The following GSE1 variants were observed in gnomAD, a reference collection of about 807,000 sequenced individuals.
The protein encoded by GSE1 is genetic suppressor element 1.
In GSE1, 32 loss-of-function variants were observed where a neutral mutation model predicts 112.6. The observed-to-expected ratio is 0.28, with a 90% CI of 0.21 to 0.38. The LOEUF is 0.38. Ranked by LOEUF, GSE1 falls within the 10% of genes least tolerant of loss-of-function variation. The probability of loss-of-function intolerance (pLI) is 1.00; values close to 1 mark genes in which losing one functional copy is unlikely to be tolerated. For synonymous variants in GSE1, 1,115 were observed against 735.6 expected (o/e 1.52, Z -8.35); for missense variants, 2,348 against 1,699.2 (o/e 1.38, Z -6.71).
chr16:85,176,307 C>G (rs565451206), intron 1 of GSE1, among the ~76,000 whole-genome samples: 141 of 152,328 alleles, frequency 9.3e-4, no homozygotes, highest in African/African-American at 3.3e-3. Context: ...GGCAGTGGCT[C>G]TTAATTTCCT....
intron 2 of GSE1, among the ~76,000 whole-genome samples, chr16:85,383,497 G>GCA (rs11473067): frequency 0.017 from 2,570 of 147,854 alleles, 95 homozygotes; most frequent in African/African-American, 0.06. Flanking sequence ...AGAGCTCCCA[G>GCA]CACACACACA....
intron 1 of GSE1, among the ~76,000 whole-genome samples, chr16:85,622,117 A>T (rs964839058): frequency 1.3e-5 from 2 of 152,174 alleles, no homozygotes; most frequent in African/African-American, 4.8e-5. Flanking sequence ...AGTTGACAGG[A>T]TGATTGTGGC....
At chr16:85,587,479 G>A (rs938286685) in intron 1 of GSE1, among the ~76,000 whole-genome samples, 1 of 152,196 alleles carries the variant, frequency 6.6e-6, no homozygotes, top group Non-Finnish European at 1.5e-5. Flanking sequence ...AGGCTTCAGA[G>A]GGGGAGGGGG....
chr16:85,657,781 C>CTG (rs1280264982), intron 8 of GSE1, among the ~76,000 whole-genome samples, 177 bp downstream of exon 8: 15 of 152,288 alleles, frequency 9.8e-5, no homozygotes, highest in African/African-American at 3.6e-4. Context: ...GAAGCTGAGA[C>CTG]TGAGGAAGAA....
At chr16:85,250,055 G>T (rs571609505) in intron 1 of GSE1, among the ~76,000 whole-genome samples, 1 of 152,348 alleles carries the variant, frequency 6.6e-6, no homozygotes, top group East Asian at 1.9e-4. Flanking sequence ...CATCCGCCTG[G>T]CTCCTGCTGC....
At chr16:85,554,590 G>A (rs575506452), upstream of GSE1, among the ~76,000 whole-genome samples, 78 of 152,254 alleles carry the variant, frequency 5.1e-4, no homozygotes, top group African/African-American at 1.8e-3. Context: ...AGGGGTGAGA[G>A]GAAAAGAAAG....
chr16:85,365,459 G>C (rs2047167224), intron 2 of GSE1, among the ~76,000 whole-genome samples: 1 of 152,222 alleles, frequency 6.6e-6, no homozygotes, highest in African/African-American at 2.4e-5. Flanking sequence ...CTGGGAACAC[G>C]AAAGAAGGAA....
chr16:85,448,825 C>T (rs894231988), intron 2 of GSE1, among the ~76,000 whole-genome samples: 1 of 152,218 alleles, frequency 6.6e-6, no homozygotes, highest in African/African-American at 2.4e-5. Context: ...TGAGCCCTTC[C>T]CGAGCCGAGC....
At position 85,259,780 on chromosome 16, in the gene GSE1, C is replaced by T. The variant is rs181349218; in HGVS notation, c.2283+87973C>T. On this transcript the variant is annotated intron_variant, in intron 1 of 2. Transcript: ENST00000637419. Reference sequence around the variant, plus strand: ...CCTGCACTGTACTGGGACCCCCCACCCCTGCACGACATCCTGCAGTGATGG... The same window carrying T: ...CCTGCACTGTACTGGGACCCCCCACTCCTGCACGACATCCTGCAGTGATGG... Among the ~76,000 whole-genome samples the T allele has an allele frequency of 3.0e-3, 461 of 152,342 alleles. 4 individuals are homozygous for T. Among genetic ancestry groups the T allele is most frequent in the African/African-American group, 0.01 (425 of 41,576 alleles).
chr16:85,610,765 A>G (rs986958317), upstream of GSE1, among the ~76,000 whole-genome samples: 1 of 152,104 alleles, frequency 6.6e-6, no homozygotes, highest in Non-Finnish European at 1.5e-5. Flanking sequence ...TCCAGGTGTG[A>G]GCAGTTTGGG....
rs968283313 is a variant in GSE1, at chr16:85,674,329, C to T, written c.*1790C>T. ...CAAGAATCTTCCAGTTATTAGCAAA[C>T]TCAGACGAATGTACCGCCAGTATTA... On this transcript the variant is annotated 3_prime_UTR_variant, in exon 16 of 16. Transcript: ENST00000253458. 1 of 152,296 alleles carries T rather than the reference C, an allele frequency of 6.6e-6. No individual in the cohort carries two copies. Among genetic ancestry groups the T allele is most frequent in the South Asian group, 2.1e-4 (1 of 4,836 alleles). The allele number at this position is 152,296 out of a possible 1,614,324, so 9.4% of individuals were successfully genotyped here. A position where few individuals can be genotyped will look rare whatever the true frequency, so the allele number is the denominator to read the frequency against.
intron 1 of GSE1, among the ~76,000 whole-genome samples, chr16:85,228,890 C>T (rs1357845276): frequency 6.6e-6 from 1 of 152,236 alleles, no homozygotes; most frequent in Non-Finnish European, 1.5e-5. Context: ...TTTGGTCTTC[C>T]ATGGAGAAGG....
chr16:85,576,428 A>G (rs2046230133), intron 1 of GSE1, among the ~76,000 whole-genome samples: 1 of 152,182 alleles, frequency 6.6e-6, no homozygotes, highest in Admixed American at 6.5e-5. Context: ...GGGAAGCCAA[A>G]CGCTGCCCCT....
chr16:85,531,629 G>A (rs976013400), intron 2 of GSE1, among the ~76,000 whole-genome samples: 96 of 152,278 alleles, frequency 6.3e-4, no homozygotes, highest in Non-Finnish European at 5.4e-4. Flanking sequence ...GCCCTGCCCC[G>A]GCCCCACACT....
At chr16:85,429,476 G>A (rs982583628) in intron 2 of GSE1, among the ~76,000 whole-genome samples, 8 of 152,206 alleles carry the variant, frequency 5.3e-5, no homozygotes, top group African/African-American at 9.7e-5. Flanking sequence ...TGACAAGTGC[G>A]AATCTGCTAG....
chr16:85,657,239 G>T (rs750344160), intron 7 of GSE1, 38 bp from the exon 8 acceptor site: 1 of 1,414,966 alleles, frequency 7.1e-7, no homozygotes, highest in Non-Finnish European at 9.6e-7. Context: ...GCTGGCCCAC[G>T]TGGCTGAGAT....
At chr16:85,316,453 AC>A (rs1162539844) in intron 1 of GSE1, among the ~76,000 whole-genome samples, 1 of 152,106 alleles carries the variant, frequency 6.6e-6, no homozygotes, top group Non-Finnish European at 1.5e-5. Flanking sequence ...CCCATCTTGC[AC>A]CCACACCTCC....
intron 1 of GSE1, among the ~76,000 whole-genome samples, chr16:85,578,049 T>G (rs1425763324): frequency 6.6e-6 from 1 of 152,224 alleles, no homozygotes; most frequent in Admixed American, 6.5e-5. Flanking sequence ...TTTGTTCTCC[T>G]GCGAGGAGGC....
At chr16:85,208,625 G>C (rs1375871630) in intron 1 of GSE1, among the ~76,000 whole-genome samples, 1 of 152,112 alleles carries the variant, frequency 6.6e-6, no homozygotes, top group African/African-American at 2.4e-5. Context: ...TAGGCTTTGC[G>C]GGCCACTTAG....
Sources: allele counts gnomAD v4.1 joint callset (sites outside exome capture counted in the v4.1 genomes callset), GRCh38; gene constraint gnomAD v4.1.1; transcripts MANE v1.5; gene names NCBI Gene and HGNC (gene_info 2026-07-23, HGNC 2026-07-21).